Variants in PRKAG2 observed in about 807,000 individuals in gnomAD.
PRKAG2 encodes the protein 5'-AMP-activated protein kinase subunit gamma-2.
A neutral mutation model predicts 69.6 loss-of-function variants in PRKAG2; 26 were observed. The observed-to-expected ratio is 0.37, with a 90% CI of 0.27 to 0.52. The LOEUF (loss-of-function observed/expected upper bound fraction) is 0.52, where lower values mean the gene tolerates loss of function less well. Ranked by LOEUF, PRKAG2 falls within the 20% of genes least tolerant of loss-of-function variation. PRKAG2 has a pLI of 0.90. For synonymous variants in PRKAG2, 293 were observed against 285.0 expected, an observed-to-expected ratio of 1.03 and a Z score of -0.28; for missense variants, 557 against 740.0, an observed-to-expected ratio of 0.75 and a Z score of 2.87.
At chr7:151,565,234 C>CA (rs1805972453) in intron 13 of PRKAG2, 112 bp downstream of exon 13, 1 of 928,114 alleles carries the variant, frequency 1.1e-6, no homozygotes, top group Non-Finnish European at 1.5e-6. Flanking sequence ...CCTCACACCC[C>CA]AAAAGGTTAG....
chr7:151,683,822 C>G (rs1248894240), intron 3 of PRKAG2, among the ~76,000 whole-genome samples: 1 of 152,146 alleles, frequency 6.6e-6, no homozygotes, highest in Non-Finnish European at 1.5e-5. Flanking sequence ...AGGCGGAGAC[C>G]CTGGGCGGCG....
chr7:151,745,639 T>A (rs1013116356), intron 3 of PRKAG2, among the ~76,000 whole-genome samples: 1 of 152,176 alleles, frequency 6.6e-6, no homozygotes, highest in Non-Finnish European at 1.5e-5. Context: ...ACACCAGCGA[T>A]ATCTAAGGCC....
At chr7:151,609,694 C>T (rs1228600321) in intron 5 of PRKAG2, among the ~76,000 whole-genome samples, 1 of 152,090 alleles carries the variant, frequency 6.6e-6, no homozygotes, top group Non-Finnish European at 1.5e-5. Flanking sequence ...CCTCAAGTTC[C>T]ACACTTCTTT....
In PRKAG2 at chr7:151,623,802, AG is replaced by A. The variant is rs1026433810; in HGVS notation, c.754+8266del. 2.0e-5 allele frequency among the ~76,000 whole-genome samples: 3 copies of A among 152,170 alleles called. No homozygotes were observed. The South Asian group carries it at 6.2e-4, about 31-fold the overall frequency. On this transcript the variant is annotated intron_variant, in intron 5 of 15. Coordinates refer to ENST00000287878, the MANE Select transcript of PRKAG2 (RefSeq NM_016203.4). ...CTCTAATTACACATGCATTAAAAAA[AG>A]GGGGGTTACATCGTATGTATGTATA...
intron 3 of PRKAG2, among the ~76,000 whole-genome samples, chr7:151,751,891 G>A (rs747033765): frequency 3.3e-5 from 5 of 152,148 alleles, no homozygotes; most frequent in Admixed American, 1.3e-4. Context: ...GACACCCCAG[G>A]AGTGACATGC....
At chr7:151,594,952 C>G (rs1458709129) in intron 6 of PRKAG2, among the ~76,000 whole-genome samples, 1 of 152,162 alleles carries the variant, frequency 6.6e-6, no homozygotes, top group Non-Finnish European at 1.5e-5. Flanking sequence ...GCATGCACCA[C>G]CACACCCGGT....
Position 151,756,658 on chromosome 7 carries a change from G to A in PRKAG2, c.466+24494C>T, listed in dbSNP as rs1235644503. Among the ~76,000 whole-genome samples the A allele has an allele frequency of 6.6e-6, 1 of 152,182 alleles. No homozygotes were observed. The highest frequency in any genetic ancestry group is 1.9e-4 in the East Asian group (1 of 5,178). On this transcript the variant is annotated intron_variant, in intron 3 of 15. Transcript: ENST00000287878. The surrounding 1 kb of genome is among the most constrained non-coding windows in gnomAD (Gnocchi z 4.9). ...GTTCCTGCCAGACAGACCAACTGCA[G>A]CTCCTGGTTCCAGCCCCGCCAGGGC...
At chr7:151,742,812 G>T (rs1207542259) in intron 3 of PRKAG2, among the ~76,000 whole-genome samples, 1 of 152,014 alleles carries the variant, frequency 6.6e-6, no homozygotes, top group African/African-American at 2.4e-5. Flanking sequence ...ACAGAGGTGG[G>T]GCACAAAAAA....
chr7:151,610,348 G>C (rs777762915), intron 5 of PRKAG2, among the ~76,000 whole-genome samples: 1 of 152,008 alleles, frequency 6.6e-6, no homozygotes, highest in Non-Finnish European at 1.5e-5. Context: ...CAGCCTGGGC[G>C]ACAGAGCGAG....
rs751001570 is a variant in PRKAG2 at position 151,565,319 on chromosome 7, C to T, written c.1437+27G>A. Reference sequence around the variant, plus strand: ...AATGTTTAAAATGCATTCTAGGTGACAGATTGAACAAAATTAAAATACTTA... The same window carrying T: ...AATGTTTAAAATGCATTCTAGGTGATAGATTGAACAAAATTAAAATACTTA... On this transcript the variant is annotated intron_variant, in intron 13 of 15. Transcript: ENST00000287878. 3 of 1,360,830 alleles carry T rather than the reference C, an allele frequency of 2.2e-6. No individual in the cohort carries two copies. The South Asian group carries it at 3.8e-5, about 17-fold the overall frequency. 84.3% of individuals were successfully genotyped at this position (1,360,830 alleles called of 1,614,324 possible). A position where few individuals can be genotyped will look rare whatever the true frequency, so the allele number is the denominator to read the frequency against.
chr7:151,676,662 A>G (rs1374620173), intron 3 of PRKAG2, among the ~76,000 whole-genome samples: 5 of 152,220 alleles, frequency 3.3e-5, no homozygotes, highest in African/African-American at 1.2e-4. Flanking sequence ...GCAGAGCTGG[A>G]GATGCAGAGG....
At chr7:151,776,857 G>A (rs796548504) in intron 3 of PRKAG2, among the ~76,000 whole-genome samples, 10 of 152,252 alleles carry the variant, frequency 6.6e-5, no homozygotes, top group African/African-American at 2.4e-4. Flanking sequence ...GTGGACTGTG[G>A]GCCCCTACCC....
chr7:151,752,966 C>T (rs1484935207), intron 3 of PRKAG2, among the ~76,000 whole-genome samples: 13 of 152,328 alleles, frequency 8.5e-5, no homozygotes, highest in African/African-American at 2.4e-4. Context: ...GGAAAGGTGT[C>T]GCGGCCGCAT....
chr7:151,740,666 T>C (rs1224055220), intron 3 of PRKAG2, among the ~76,000 whole-genome samples: 1 of 152,186 alleles, frequency 6.6e-6, no homozygotes, highest in Non-Finnish European at 1.5e-5. Flanking sequence ...TAAACAATGC[T>C]AACTGCATGA....
intron 15 of PRKAG2, chr7:151,557,829 G>A: frequency 1.2e-6 from 1 of 812,676 alleles, no homozygotes; most frequent in Non-Finnish European, 1.5e-6. Context: ...GAGAGATCAT[G>A]CCATTGCACT....
intron 6 of PRKAG2, among the ~76,000 whole-genome samples, chr7:151,580,559 C>T (rs73727856): frequency 0.021 from 3,159 of 152,046 alleles, 91 homozygotes; most frequent in African/African-American, 0.072. Context: ...GGGTAGGAGA[C>T]GGTTTAACTT....
intron 3 of PRKAG2, among the ~76,000 whole-genome samples, chr7:151,682,464 C>T (rs950007715): frequency 2.6e-5 from 4 of 152,128 alleles, no homozygotes; most frequent in Non-Finnish European, 2.9e-5. Context: ...GTCTTGAACT[C>T]CTGGTATCAA....
chr7:151,644,287 A>C (rs1827212009), intron 4 of PRKAG2, among the ~76,000 whole-genome samples: 1 of 152,220 alleles, frequency 6.6e-6, no homozygotes, highest in African/African-American at 2.4e-5. Flanking sequence ...AAAATTAAAA[A>C]AATAAAATAT....
rs1714610160 is a variant in PRKAG2, at chr7:151,626,512, TAG to T, written c.754+5555_754+5556del. ...AGTGTGTGAACTCAGCAGGGAAGGG[TAG>T]AGTTTGGAAAGCAGATAATCACCCG... On this transcript the variant is annotated intron_variant, in intron 5 of 15. Transcript: ENST00000287878. 3.3e-5 allele frequency among the ~76,000 whole-genome samples: 5 copies of T among 151,860 alleles called. No homozygotes were observed. The South Asian group carries it at 1.0e-3, about 32-fold the overall frequency.
Sources: allele counts gnomAD v4.1 joint callset (sites outside exome capture counted in the v4.1 genomes callset), GRCh38; gene constraint gnomAD v4.1.1; non-coding constraint Gnocchi (gnomAD v3.1); transcripts MANE v1.5; gene names NCBI Gene and HGNC (gene_info 2026-07-23, HGNC 2026-07-21).